Variants in OR5M3 observed in about 807,000 individuals in gnomAD.
The protein encoded by OR5M3 is olfactory receptor 5M3.
For synonymous variants in OR5M3, 129 were observed against 131.3 expected, an observed-to-expected ratio of 0.98 and a Z score of 0.12; for missense variants, 384 against 378.6, an observed-to-expected ratio of 1.01 and a Z score of -0.12.
Position 56,470,185 on chromosome 11 carries a change from G to C in OR5M3, c.313C>G (p.Leu105Val), listed in dbSNP as rs779268875. ...AGAATAAAAATTTCCACATGGACAA[G>C]AGCAATGAAGAAGAAACACTGTACT... is the stretch of plus-strand genomic sequence containing the variant. ...CLVQCFFFIA[L>V]VHVEIFILAA... The change falls in exon 2 of 2, where the codon CTT (leucine) becomes GTT (valine). Residue 105 changes from leucine to valine, a missense_variant. By Grantham distance (32) the Leu-to-Val change is conservative. Coordinates refer to ENST00000641993, the MANE Select transcript of OR5M3 (RefSeq NM_001004742.3). The C allele has an allele frequency of 5.0e-6, 8 of 1,613,262 alleles. No individual in the cohort carries two copies. In the African/African-American group the frequency reaches 9.3e-5, roughly 19 times the overall value.
chr11:56,470,284 A>G lies in OR5M3; in HGVS notation c.214T>C (p.Ser72Pro), dbSNP rs1470726851. The G allele has an allele frequency of 3.7e-6, 6 of 1,613,492 alleles. No individual in the cohort carries two copies. In the East Asian group the frequency reaches 1.3e-4, roughly 36 times the overall value. Residue 72 changes from serine to proline, a missense_variant, in exon 2 of 2, where the codon TCT (serine) becomes CCT (proline). By Grantham distance (74) the Ser-to-Pro change is moderately conservative. Coordinates refer to ENST00000641993, the MANE Select transcript of OR5M3 (RefSeq NM_001004742.3). ...SHLSFVDVWF[S>P]SNVTPKMLEN... ...AACATTTTAGGGGTGACATTGGAAG[A>G]AAACCACACATCAACAAATGACAAG... is the stretch of plus-strand genomic sequence containing the variant.
At position 56,469,508 on chromosome 11, in the gene OR5M3, G is replaced by T; in HGVS notation, c.*66C>A. The T allele has an allele frequency of 2.1e-6, 2 of 935,374 alleles. No individual in the cohort carries two copies. The highest frequency in any genetic ancestry group is 1.9e-5 in the South Asian group (1 of 53,400). 57.9% of individuals were successfully genotyped at this position (935,374 alleles called of 1,614,324 possible). On this transcript the variant is annotated 3_prime_UTR_variant, in exon 2 of 2. Coordinates refer to ENST00000641993, the MANE Select transcript of OR5M3 (RefSeq NM_001004742.3). ...CTTTATCTTAATGTTCCTAGGTACTGGGTAATAAACTTTTTCCAAACAAAT... is the reference window on the plus strand; with the variant it reads ...CTTTATCTTAATGTTCCTAGGTACTTGGTAATAAACTTTTTCCAAACAAAT...
chr11:56,472,140 A>ATGT (rs1853674464), intron 1 of OR5M3, among the ~76,000 whole-genome samples: 2 of 152,028 alleles, frequency 1.3e-5, no homozygotes, highest in Non-Finnish European at 2.9e-5. Flanking sequence ...GAAAATTACT[A>ATGT]ATTGAAACAG....
chr11:56,472,968 T>A (rs1322555173), intron 1 of OR5M3, among the ~76,000 whole-genome samples: 1 of 152,122 alleles, frequency 6.6e-6, no homozygotes, highest in Non-Finnish European at 1.5e-5. Context: ...TTTCTTTGTG[T>A]GTTTGTGAAT....
At chr11:56,471,337 T>G (rs1311634709) in intron 1 of OR5M3, among the ~76,000 whole-genome samples, 1 of 152,076 alleles carries the variant, frequency 6.6e-6, no homozygotes, top group Non-Finnish European at 1.5e-5. Flanking sequence ...TATTCTTCTT[T>G]GAGGGTTCAG....
chr11:56,470,061 G>C lies in OR5M3; in HGVS notation c.437C>G (p.Pro146Arg). The change falls in exon 2 of 2, where the codon CCT (proline) becomes CGT (arginine). Residue 146 changes from proline to arginine, a missense_variant. Coordinates refer to ENST00000641993, the MANE Select transcript of OR5M3 (RefSeq NM_001004742.3). ...ACTCGTCAGAAAACCATAAATGTAA[G>C]GGAAAGTAATCAGTCGAATACAGAC... is the stretch of plus-strand genomic sequence containing the variant. ...RVVCIRLITFPYIYGFLTSLA... is the reference protein window; with the variant it reads ...RVVCIRLITFRYIYGFLTSLA... 1 of 1,610,652 alleles carries C rather than the reference G, an allele frequency of 6.2e-7. No homozygotes were observed. The highest frequency in any genetic ancestry group is 1.3e-5 in the African/African-American group (1 of 74,982).
At chr11:56,472,920 T>C (rs1452671496) in intron 1 of OR5M3, among the ~76,000 whole-genome samples, 1 of 152,128 alleles carries the variant, frequency 6.6e-6, no homozygotes, top group East Asian at 1.9e-4. Context: ...TTGCTTTTAC[T>C]TTTTATGTTC....
Position 56,469,846 on chromosome 11 carries a change from A to G in OR5M3, c.652T>C (p.Phe218Leu). The G allele has an allele frequency of 6.2e-7, 1 of 1,612,856 alleles. No individual in the cohort carries two copies. Among genetic ancestry groups the G allele is most frequent in the Non-Finnish European group, 8.5e-7 (1 of 1,178,840 alleles). ...ATTCGCAGAATGGCAATGAGGATGA[A>G]TAAGTAAGAGATGATAATTACAGTC... Reference protein sequence around the residue: ...SLTVIIISYLFILIAILRMRS... With the variant: ...SLTVIIISYLLILIAILRMRS... The change falls in exon 2 of 2, where the codon TTC becomes CTC. Residue 218 changes from phenylalanine to leucine, a missense_variant. Phe to Leu is a conservative substitution (Grantham distance 22). Coordinates refer to ENST00000641993, the MANE Select transcript of OR5M3 (RefSeq NM_001004742.3).
intron 1 of OR5M3, 120 bp from the exon 2 acceptor site, chr11:56,470,661 C>CTA: frequency 2.1e-6 from 1 of 487,722 alleles, no homozygotes; most frequent in Non-Finnish European, 3.6e-6. Context: ...TTTCTCAGTG[C>CTA]CTGTTATGTA....
rs1406730292 is a variant in OR5M3, at chr11:56,470,040, G to A, written c.458C>T (p.Thr153Met). ...AGTCCATAATGTTGCTGCCAGACTCGTCAGAAAACCATAAATGTAAGGGAA... is the reference window on the plus strand; with the variant it reads ...AGTCCATAATGTTGCTGCCAGACTCATCAGAAAACCATAAATGTAAGGGAA... ...ITFPYIYGFLTSLAATLWTYG... is the reference protein window; with the variant it reads ...ITFPYIYGFLMSLAATLWTYG... Residue 153 changes from threonine to methionine, a missense_variant, in exon 2 of 2, where the codon ACG (threonine) becomes ATG (methionine). Physicochemically the swap from Thr to Met is moderately conservative, Grantham distance 81 (BLOSUM62 -1). Coordinates refer to ENST00000641993, the MANE Select transcript of OR5M3 (RefSeq NM_001004742.3). 4.3e-6 allele frequency: 7 copies of A among 1,612,460 alleles called. No homozygotes were observed. The highest frequency in any genetic ancestry group is 4.5e-5 in the East Asian group (2 of 44,886).
At position 56,469,778 on chromosome 11, in the gene OR5M3, C is replaced by A. The variant is rs1200775894; in HGVS notation, c.720G>T (p.Gly240=). 1 of 1,612,668 alleles carries A rather than the reference C, an allele frequency of 6.2e-7. No individual in the cohort carries two copies. Among genetic ancestry groups the A allele is most frequent in the Admixed American group, 1.7e-5 (1 of 59,946 alleles). ...ATATAATGACAGCTGTCAGATGGGACCCACATGTGGAAAAGGCCTTCTGCC... is the reference window on the plus strand; with the variant it reads ...ATATAATGACAGCTGTCAGATGGGAACCACATGTGGAAAAGGCCTTCTGCC... The part of the protein sequence containing the change: ...EGRQKAFSTC[G]SHLTAVIIFY... The change falls in exon 2 of 2, where the codon GGG becomes GGT. Residue 240 remains glycine, a synonymous_variant. Transcript: ENST00000641993.
rs202191066 is a variant in OR5M3, at chr11:56,469,720, G to C, written c.778C>G (p.Arg260Gly). ...YGTLIFMYLR[R>G]PTEESVEQGK... ...TGCTCCACAGACTCCTCTGTGGGAC[G>C]TCTGAGATACATGAAGATCAGAGTA... Residue 260 changes from arginine (R) to glycine (G), a missense_variant, in exon 2 of 2, where the codon CGT becomes GGT. Arg to Gly is a moderately radical substitution (Grantham distance 125). Transcript: ENST00000641993. 22 of 1,611,904 alleles carry C rather than the reference G, an allele frequency of 1.4e-5. No individual in the cohort carries two copies. The highest frequency in any genetic ancestry group is 1.9e-5 in the Non-Finnish European group (22 of 1,178,608).
intron 1 of OR5M3, 28 bp from the exon 2 acceptor site, chr11:56,470,569 ATATT>A (rs1308642568): frequency 2.7e-5 from 22 of 811,000 alleles, no homozygotes; most frequent in African/African-American, 2.6e-4. Context: ...AAATATTAGA[ATATT>A]TATTTATTAA....
At chr11:56,472,202 G>T (rs1358548503) in intron 1 of OR5M3, among the ~76,000 whole-genome samples, 2 of 151,880 alleles carry the variant, frequency 1.3e-5, no homozygotes, top group South Asian at 4.2e-4. Flanking sequence ...AAAATTTGAA[G>T]GATTAATTAG....
Position 56,470,494 on chromosome 11 carries a change from G to A in OR5M3, c.4C>T (p.Leu2Phe). Residue 2 changes from leucine (L) to phenylalanine (F), a missense_variant, in exon 2 of 2, where the codon CTC becomes TTC. Physicochemically the swap from Leu to Phe is conservative, Grantham distance 22. Transcript: ENST00000641993. The part of the protein sequence containing the change: M[L>F]NFTDVTEFIL... ...AACTCTGTCACATCGGTGAAATTGA[G>A]CATTTTCTGAATTCTAAGTCAATAT... 2.6e-6 allele frequency: 4 copies of A among 1,547,864 alleles called. No individual in the cohort carries two copies. The highest frequency in any genetic ancestry group is 3.5e-6 in the Non-Finnish European group (4 of 1,148,122).
chr11:56,470,222 A>G lies in OR5M3; in HGVS notation c.276T>C (p.Tyr92=). 6.2e-7 allele frequency: 1 copy of G among 1,613,766 alleles called. No homozygotes were observed. The highest frequency in any genetic ancestry group is 2.2e-5 in the East Asian group (1 of 44,874). ...NLLSDKKTIT[Y]AGCLVQCFFF... is the part of the protein sequence containing the mutation. ...AGAAACACTGTACTAAACAACCAGC[A>G]TAAGTAATTGTTTTTTTATCTGATA... The change falls in exon 2 of 2, where the codon TAT becomes TAC. Residue 92 remains tyrosine, a synonymous_variant. Transcript: ENST00000641993.
At position 56,470,141 on chromosome 11, in the gene OR5M3, A is replaced by G. The variant is rs141306669; in HGVS notation, c.357T>C (p.Asp119=). 32 of 1,605,034 alleles carry G rather than the reference A, an allele frequency of 2.0e-5. No individual in the cohort carries two copies. Among genetic ancestry groups the G allele is most frequent in the Middle Eastern group, 1.7e-4 (1 of 6,058 alleles). Residue 119 remains aspartate, a synonymous_variant, in exon 2 of 2, where the codon GAT becomes GAC. Transcript: ENST00000641993. ...EIFILAAMAF[D]RYMAIGNPLL... is the part of the protein sequence containing the mutation. ...GAGGATTCCCAATTGCCATGTATCT[A>G]TCAAAGGCCATCGCAGCAAGAATAA...
In OR5M3 at chr11:56,473,284, G is replaced by T. The variant is rs966086235; in HGVS notation, c.-108C>A. On this transcript the variant is annotated 5_prime_UTR_variant, in exon 1 of 2. Coordinates refer to ENST00000641993, the MANE Select transcript of OR5M3 (RefSeq NM_001004742.3). ...GTTGAAAAGCGCATGCTATATATGG[G>T]AATGGTAAACACTTTCAACCTGATG... The T allele has an allele frequency of 6.6e-6, 1 of 152,098 alleles. No individual in the cohort carries two copies. The highest frequency in any genetic ancestry group is 1.5e-5 in the Non-Finnish European group (1 of 68,006). 9.4% of individuals were successfully genotyped at this position (152,098 alleles called of 1,614,324 possible).
In OR5M3 at chr11:56,470,109, T is replaced by C. The variant is rs770102037; in HGVS notation, c.389A>G (p.Tyr130Cys). 1.7e-5 allele frequency: 27 copies of C among 1,602,390 alleles called. 2 individuals carry two copies. The highest frequency in any genetic ancestry group is 2.2e-5 in the South Asian group (2 of 90,684). The part of the protein sequence containing the change: ...RYMAIGNPLL[Y>C]GSKMSRVVCI... Reference sequence around the variant, plus strand: ...GACAACCCTTGACATTTTACTGCCATAAAGCAGAGGATTCCCAATTGCCAT... The same window carrying C: ...GACAACCCTTGACATTTTACTGCCACAAAGCAGAGGATTCCCAATTGCCAT... Residue 130 changes from tyrosine to cysteine, a missense_variant, in exon 2 of 2, where the codon TAT (tyrosine) becomes TGT (cysteine). By Grantham distance (194) the Tyr-to-Cys change is radical. Coordinates refer to ENST00000641993, the MANE Select transcript of OR5M3 (RefSeq NM_001004742.3).
Sources: allele counts gnomAD v4.1 joint callset (sites outside exome capture counted in the v4.1 genomes callset), GRCh38; gene constraint gnomAD v4.1.1; transcripts MANE v1.5; gene names NCBI Gene and HGNC (gene_info 2026-07-23, HGNC 2026-07-21).